The following TLK1 variants were observed in gnomAD, a reference collection of about 807,000 sequenced individuals.
The protein encoded by TLK1 is serine/threonine-protein kinase tousled-like 1.
A neutral mutation model predicts 105.3 loss-of-function variants in TLK1; 24 were observed. The ratio of observed to expected loss-of-function variants is 0.23; its 90% CI spans 0.17 to 0.32. The LOEUF is 0.32. Among genes scored for constraint, TLK1 ranks in the 10% least tolerant of loss-of-function variants. The pLI, the probability that TLK1 is intolerant of heterozygous loss-of-function variation, is 1.00. For missense variants in TLK1, 558 were observed against 910.5 expected, an observed-to-expected ratio of 0.61 and a Z score of 4.98; for synonymous variants, 321 against 310.4, an observed-to-expected ratio of 1.03 and a Z score of -0.36.
chr2:171,075,512 GATTAA>G (rs886083670), intron 3 of TLK1, among the ~76,000 whole-genome samples: 1 of 152,072 alleles, frequency 6.6e-6, no homozygotes, highest in Admixed American at 6.6e-5. Flanking sequence ...GAATATTAAG[GATTAA>G]ATTGAGAAAA....
rs867671195 is a variant in TLK1 at position 171,120,236 on chromosome 2, G to A, written c.140-2379C>T. ...TGCACTCCAGCCTGGGCGACAGAGT[G>A]AGACTCCGTCAGAAAAAAAAAAAAA... On this transcript the variant is annotated intron_variant, in intron 1 of 20. Coordinates refer to ENST00000431350, the MANE Select transcript of TLK1 (RefSeq NM_012290.5). 4.6e-4 allele frequency among the ~76,000 whole-genome samples: 57 copies of A among 123,076 alleles called. 1 individual carries two copies. The Middle Eastern group carries it at 0.034, about 73-fold the overall frequency. 80.7% of individuals were successfully genotyped at this position (123,076 alleles called of 152,430 possible).
At position 171,160,274 on chromosome 2, in the gene TLK1, G is replaced by A; in HGVS notation, c.139+16C>T. ...AGAGGAGGCCCGCGAGCGGGCGCGGGCGCGGCGGTGCTTACCTTCCCTGGG... is the reference window on the plus strand; with the variant it reads ...AGAGGAGGCCCGCGAGCGGGCGCGGACGCGGCGGTGCTTACCTTCCCTGGG... On this transcript the variant is annotated intron_variant, in intron 1 of 20. Transcript: ENST00000431350. This position sits in a 1 kb window ranked among gnomAD's most constrained non-coding sequence, Gnocchi z 4.4. The A allele has an allele frequency of 6.6e-7, 1 of 1,516,330 alleles. No homozygotes were observed. The highest frequency in any genetic ancestry group is 1.2e-5 in the South Asian group (1 of 80,310). The allele number at this position is 1,516,330 out of a possible 1,614,324, so 93.9% of individuals were successfully genotyped here.
chr2:171,001,320 G>C (rs1684358259), intron 18 of TLK1, among the ~76,000 whole-genome samples: 1 of 152,120 alleles, frequency 6.6e-6, no homozygotes, highest in Non-Finnish European at 1.5e-5. Flanking sequence ...GGCTGAATTA[G>C]ATATTGTTGT....
Position 171,060,467 on chromosome 2 carries a change from T to C in TLK1, c.406+614A>G, listed in dbSNP as rs945773768. 1.2e-4 allele frequency among the ~76,000 whole-genome samples: 18 copies of C among 152,300 alleles called. 1 individual carries two copies. In the South Asian group the frequency reaches 2.9e-3, roughly 25 times the overall value. On this transcript the variant is annotated intron_variant, in intron 4 of 20. Transcript: ENST00000431350. ...TAAGTCATGGGTTCACAGCCATAGA[T>C]CTTATGGCTAAAGATTGGCTCCAAC...
rs1458417530 is a variant in TLK1, at chr2:171,120,210, C to A, written c.140-2353G>T. 5.9e-5 allele frequency among the ~76,000 whole-genome samples: 8 copies of A among 134,486 alleles called. No homozygotes were observed. In the East Asian group the frequency reaches 1.5e-3, roughly 25 times the overall value. 88.2% of individuals were successfully genotyped at this position (134,486 alleles called of 152,430 possible). A position where few individuals can be genotyped will look rare whatever the true frequency, so the allele number is the denominator to read the frequency against. On this transcript the variant is annotated intron_variant, in intron 1 of 20. Coordinates refer to ENST00000431350, the MANE Select transcript of TLK1 (RefSeq NM_012290.5). ...GCTGCAGTGAATCGAGGTCGTACCACTGCACTCCAGCCTGGGCGACAGAGT... is the reference window on the plus strand; with the variant it reads ...GCTGCAGTGAATCGAGGTCGTACCAATGCACTCCAGCCTGGGCGACAGAGT...
rs539976628 is a variant in TLK1 at position 171,092,515 on chromosome 2, A to G, written c.259-9663T>C. On this transcript the variant is annotated intron_variant, in intron 2 of 20. Coordinates refer to ENST00000431350, the MANE Select transcript of TLK1 (RefSeq NM_012290.5). Reference sequence around the variant, plus strand: ...TAGCTTGTAGCTGCCATCTCCCCAAATATCTCTTTAGTTCACTAATATCCC... The same window carrying G: ...TAGCTTGTAGCTGCCATCTCCCCAAGTATCTCTTTAGTTCACTAATATCCC... Among the ~76,000 whole-genome samples the G allele has an allele frequency of 2.0e-5, 3 of 152,290 alleles. No individual in the cohort carries two copies. The South Asian group carries it at 6.2e-4, about 32-fold the overall frequency.
At chr2:171,087,773 A>T (rs1558934720) in intron 2 of TLK1, among the ~76,000 whole-genome samples, 1 of 152,234 alleles carries the variant, frequency 6.6e-6, no homozygotes, top group Admixed American at 6.5e-5. Context: ...TTGACTTGTC[A>T]TCATAAATGC....
At chr2:171,123,088 T>A (rs1183113928) in intron 1 of TLK1, among the ~76,000 whole-genome samples, 1 of 103,274 alleles carries the variant, frequency 9.7e-6, no homozygotes, top group East Asian at 2.9e-4. Flanking sequence ...ACACACACAC[T>A]TCTTTTTTTA....
chr2:171,218,559 T>G (rs1693755798), intron 1 of TLK1, among the ~76,000 whole-genome samples: 1 of 152,152 alleles, frequency 6.6e-6, no homozygotes, highest in South Asian at 2.1e-4. Flanking sequence ...TTATAAACAA[T>G]GGAAATTTAT....
chr2:170,998,182 G>T (rs1264538777), intron 18 of TLK1, among the ~76,000 whole-genome samples: 1 of 151,982 alleles, frequency 6.6e-6, no homozygotes, highest in Non-Finnish European at 1.5e-5. Context: ...AATAATAGTA[G>T]AAGAAACCCT....
intron 1 of TLK1, among the ~76,000 whole-genome samples, chr2:171,192,462 G>A (rs1208816781): frequency 2.0e-5 from 3 of 152,100 alleles, no homozygotes; most frequent in East Asian, 1.9e-4. Flanking sequence ...GGCGGATCAC[G>A]AGGTCAGGAG....
intron 2 of TLK1, among the ~76,000 whole-genome samples, chr2:171,087,847 A>G (rs1161830099): frequency 1.3e-5 from 2 of 152,342 alleles, no homozygotes; most frequent in East Asian, 1.9e-4. Flanking sequence ...TGCATAAGGC[A>G]CAGCTGAGAA....
chr2:171,035,054 G>A (rs1481362973), intron 11 of TLK1, among the ~76,000 whole-genome samples: 2 of 151,964 alleles, frequency 1.3e-5, no homozygotes, highest in Admixed American at 1.3e-4. Flanking sequence ...AAAAGGGGAG[G>A]TTCCAGCTGG....
chr2:171,195,299 T>C (rs371416012), intron 1 of TLK1, among the ~76,000 whole-genome samples: 48 of 151,830 alleles, frequency 3.2e-4, no homozygotes, highest in Non-Finnish European at 5.2e-4. Context: ...GTCAGGAGAT[T>C]GAGACCATCC....
intron 1 of TLK1, among the ~76,000 whole-genome samples, chr2:171,225,784 A>C (rs531322589): frequency 6.6e-6 from 1 of 152,284 alleles, no homozygotes; most frequent in South Asian, 2.1e-4. Flanking sequence ...CAGTTCCTTA[A>C]TGTGTCTTTA....
chr2:171,127,495 A>T (rs1468464323), intron 1 of TLK1, among the ~76,000 whole-genome samples: 3 of 152,004 alleles, frequency 2.0e-5, no homozygotes, highest in Admixed American at 2.0e-4. Context: ...CTACTTTAAA[A>T]CCAAATATTC....
At chr2:171,030,887 T>C (rs940986680) in intron 11 of TLK1, among the ~76,000 whole-genome samples, 4 of 152,162 alleles carry the variant, frequency 2.6e-5, no homozygotes, top group Admixed American at 6.5e-5. Flanking sequence ...TTGGCTATCA[T>C]GTATAACTGC....
intron 1 of TLK1, among the ~76,000 whole-genome samples, chr2:171,149,973 A>C (rs975453409): frequency 2.0e-5 from 3 of 152,186 alleles, no homozygotes; most frequent in Admixed American, 1.3e-4. Flanking sequence ...TGTATAATAA[A>C]AATTTTTAAA....
intron 11 of TLK1, among the ~76,000 whole-genome samples, chr2:171,038,508 A>G (rs974989006): frequency 6.6e-6 from 1 of 152,146 alleles, no homozygotes; most frequent in Non-Finnish European, 1.5e-5. Context: ...GTTATGTAGC[A>G]CTTTCACTAA....
Sources: gnomAD v4.1 joint callset for allele counts (sites outside exome capture counted in the v4.1 genomes callset) on GRCh38, gnomAD v4.1.1 for gene constraint, Gnocchi (gnomAD v3.1) non-coding constraint, MANE v1.5 for transcripts, NCBI Gene and HGNC (gene_info 2026-07-23, HGNC 2026-07-21) for gene names.